Variants in DNAH12 observed in about 807,000 individuals in gnomAD.
DNAH12 encodes axonemal beta dynein heavy chain 12.
DNAH12 carries 285 observed loss-of-function variants against 371.5 expected under a neutral mutation model. That is an observed-to-expected ratio of 0.77 (90% CI 0.70 to 0.85). The LOEUF (loss-of-function observed/expected upper bound fraction) is 0.85, where lower values mean the gene tolerates loss of function less well. Ranked by LOEUF, DNAH12 falls within the 40% of genes least tolerant of loss-of-function variation. The pLI is 0.00. For missense variants in DNAH12, 3,611 were observed against 3,689.4 expected (o/e 0.98, Z 0.55); for synonymous variants, 1,200 against 1,213.0 (o/e 0.99, Z 0.22).
chr3:57,401,874 C>T (rs1553678866), intron 43 of DNAH12, among the ~76,000 whole-genome samples: 1 of 152,030 alleles, frequency 6.6e-6, no homozygotes, highest in Admixed American at 6.6e-5. Flanking sequence ...CAATTGTATG[C>T]CAATAAATTG....
At chr3:57,476,362 G>A (rs572553368) in intron 13 of DNAH12, among the ~76,000 whole-genome samples, 33 of 152,110 alleles carry the variant, frequency 2.2e-4, no homozygotes, top group African/African-American at 7.0e-4. Context: ...TCAGGAGTTC[G>A]AGACCAGCCT....
intron 39 of DNAH12, among the ~76,000 whole-genome samples, chr3:57,411,349 G>C (rs2064194554): frequency 6.6e-6 from 1 of 151,746 alleles, no homozygotes; most frequent in Admixed American, 6.6e-5. Context: ...CCAACATGGT[G>C]AAAACCTGTC....
chr3:57,508,834 TA>T (rs1317926627), intron 6 of DNAH12, among the ~76,000 whole-genome samples: 1 of 152,136 alleles, frequency 6.6e-6, no homozygotes, highest in African/African-American at 2.4e-5. Flanking sequence ...GTTATCCTGG[TA>T]AAAATGAAAG....
intron 62 of DNAH12, among the ~76,000 whole-genome samples, chr3:57,327,251 T>C (rs1394526451): frequency 6.6e-6 from 1 of 151,982 alleles, no homozygotes; most frequent in Non-Finnish European, 1.5e-5. Flanking sequence ...ATCAACAGAA[T>C]ATACATTTTT....
At chr3:57,396,853 C>G (rs993725554) in intron 43 of DNAH12, among the ~76,000 whole-genome samples, 82,290 of 151,980 alleles carry the variant, frequency 0.54, 22,497 homozygotes, top group East Asian at 0.62. Context: ...CCCGTCTCTA[C>G]TAAAAATACA....
chr3:57,493,676 A>T (rs1049214160), intron 11 of DNAH12: 3 of 152,184 alleles, frequency 2.0e-5, no homozygotes, highest in Non-Finnish European at 2.9e-5. Flanking sequence ...AAACTGGTGT[A>T]AAGGTAGTGA....
intron 55 of DNAH12, 133 bp downstream of exon 55, chr3:57,375,238 C>T (rs2153338943): frequency 6.6e-6 from 1 of 152,170 alleles, no homozygotes; most frequent in Non-Finnish European, 1.5e-5. Context: ...AGCAAGAATA[C>T]TAAAATGTTA....
At chr3:57,490,918 G>A (rs145775689) in intron 11 of DNAH12, among the ~76,000 whole-genome samples, 16 of 151,636 alleles carry the variant, frequency 1.1e-4, no homozygotes, top group African/African-American at 2.7e-4. Flanking sequence ...GTGAAACCCC[G>A]TCTCTACTAA....
chr3:57,401,813 A>G (rs2063877682), intron 43 of DNAH12, among the ~76,000 whole-genome samples: 1 of 152,192 alleles, frequency 6.6e-6, no homozygotes, highest in Non-Finnish European at 1.5e-5. Context: ...ACACTCTGGT[A>G]GCACAACCAA....
chr3:57,336,669 A>T (rs1197507280), intron 60 of DNAH12, among the ~76,000 whole-genome samples: 1 of 152,218 alleles, frequency 6.6e-6, no homozygotes, highest in Non-Finnish European at 1.5e-5. Context: ...GTAAACATAA[A>T]AGATTTTTTT....
rs2064797986 is a variant in DNAH12 at position 57,427,138 on chromosome 3, A to ATATGTGTGTGTG, written c.5253+1494_5253+1495insCACACACACATA. Among the ~76,000 whole-genome samples the ATATGTGTGTGTG allele has an allele frequency of 8.6e-5, 12 of 138,872 alleles. No homozygotes were observed. In the East Asian group the frequency reaches 2.3e-3, roughly 27 times the overall value. 91.1% of individuals were successfully genotyped at this position (138,872 alleles called of 152,430 possible). ...ATATTTATTTATATGTAAGAAGCGAATGTGTGTGTGTGTGTGTGTGTGTGT... is the reference window on the plus strand; with the variant it reads ...ATATTTATTTATATGTAAGAAGCGAATATGTGTGTGTGTGTGTGTGTGTGTGTGTGTGTGTGT... On this transcript the variant is annotated intron_variant, in intron 34 of 73. Transcript: ENST00000495027.
Position 57,504,115 on chromosome 3 carries a change from T to C in DNAH12, c.987A>G (p.Glu329=). The C allele has an allele frequency of 6.2e-7, 1 of 1,613,974 alleles. No homozygotes were observed. Among genetic ancestry groups the C allele is most frequent in the Non-Finnish European group, 8.5e-7 (1 of 1,179,912 alleles). The change falls in exon 9 of 74, where the codon GAA becomes GAG. Residue 329 remains glutamate (E), a synonymous_variant. Coordinates refer to ENST00000495027, the MANE Select transcript of DNAH12 (RefSeq NM_001366028.2). ...DQQRLPIFKI[E]LTFDDDKMEF... ...CCATTTTGTCGTCATCAAATGTCAATTCTATCTTAAATATTGGCAGCCTTT... is the reference window on the plus strand; with the variant it reads ...CCATTTTGTCGTCATCAAATGTCAACTCTATCTTAAATATTGGCAGCCTTT...
chr3:57,325,793 C>T (rs550302716), intron 62 of DNAH12, among the ~76,000 whole-genome samples: 111 of 152,136 alleles, frequency 7.3e-4, no homozygotes, highest in African/African-American at 2.5e-3. Context: ...AAATTCAAAC[C>T]AAAGGCAAAG....
chr3:57,417,003 C>A (rs1392106075), intron 37 of DNAH12, among the ~76,000 whole-genome samples: 1 of 152,166 alleles, frequency 6.6e-6, no homozygotes. Context: ...GTAATCCCAG[C>A]ACTTTGGGAG....
At chr3:57,474,544 C>T (rs980142694) in intron 13 of DNAH12, among the ~76,000 whole-genome samples, 4 of 152,186 alleles carry the variant, frequency 2.6e-5, no homozygotes, top group African/African-American at 7.2e-5. Flanking sequence ...GATCCACCCA[C>T]GTCGGCCTCC....
At chr3:57,505,453 T>C (rs918551348) in intron 8 of DNAH12, among the ~76,000 whole-genome samples, 2 of 152,116 alleles carry the variant, frequency 1.3e-5, no homozygotes, top group African/African-American at 4.8e-5. Flanking sequence ...TTTTTGTTTT[T>C]GTTTTGAGAC....
chr3:57,336,975 A>T (rs2062238442), intron 60 of DNAH12, among the ~76,000 whole-genome samples: 1 of 152,180 alleles, frequency 6.6e-6, no homozygotes, highest in Admixed American at 6.5e-5. Flanking sequence ...CTAAATGAAT[A>T]AAAAACACCC....
chr3:57,348,174 T>A (rs1034511046), intron 60 of DNAH12, among the ~76,000 whole-genome samples: 2 of 152,074 alleles, frequency 1.3e-5, no homozygotes, highest in African/African-American at 4.8e-5. Flanking sequence ...GGAATATAAT[T>A]CAGCACTAAA....
chr3:57,470,673 C>T, intron 15 of DNAH12, 37 bp from the exon 16 acceptor site: 1 of 1,443,288 alleles, frequency 6.9e-7, no homozygotes, highest in African/African-American at 1.4e-5. Context: ...AAAAAAAATT[C>T]AAGTAATGTT....
Sources: allele counts gnomAD v4.1 joint callset (sites outside exome capture counted in the v4.1 genomes callset), GRCh38; gene constraint gnomAD v4.1.1; transcripts MANE v1.5; gene names NCBI Gene and HGNC (gene_info 2026-07-23, HGNC 2026-07-21).